Variants in PDE11A observed in about 807,000 individuals in gnomAD.
PDE11A encodes the protein dual 3',5'-cyclic-AMP and -GMP phosphodiesterase 11A.
In PDE11A, 100 loss-of-function variants were observed where a neutral mutation model predicts 100.5. The ratio of observed to expected loss-of-function variants is 1.00; its 90% confidence interval spans 0.85 to 1.18. The LOEUF (loss-of-function observed/expected upper bound fraction) is 1.18, where lower values mean the gene tolerates loss of function less well. PDE11A is among the 50% of genes most tolerant of loss of function. The pLI is 0.00. For missense variants in PDE11A, 1,141 were observed against 1,152.6 expected (o/e 0.99, Z 0.15); for synonymous variants, 381 against 420.8 (o/e 0.91, Z 1.16).
intron 19 of PDE11A, 85 bp from the exon 20 acceptor site, chr2:177,629,647 G>A: frequency 7.3e-7 from 1 of 1,360,922 alleles, no homozygotes; most frequent in Non-Finnish European, 1.1e-6. Flanking sequence ...CTTATGAGGA[G>A]AATGGAAACT....
At chr2:177,935,499 T>C (rs1275022453) in intron 2 of PDE11A, among the ~76,000 whole-genome samples, 1 of 152,202 alleles carries the variant, frequency 6.6e-6, no homozygotes, top group African/African-American at 2.4e-5. Context: ...ATTGCCCCCT[T>C]AGTGCAAAGT....
intron 2 of PDE11A, among the ~76,000 whole-genome samples, chr2:178,012,915 G>C (rs773953798): frequency 3.3e-5 from 5 of 152,080 alleles, no homozygotes; most frequent in Non-Finnish European, 7.4e-5. Flanking sequence ...CATCATCTCA[G>C]GACTCTGCCA....
At chr2:177,752,015 G>A (rs2082032452) in intron 10 of PDE11A, among the ~76,000 whole-genome samples, 1 of 152,112 alleles carries the variant, frequency 6.6e-6, no homozygotes, top group Non-Finnish European at 1.5e-5. Flanking sequence ...TAGTGATGGT[G>A]ATGGCCAAAC....
chr2:177,666,264 A>C (rs1471834989), intron 18 of PDE11A, among the ~76,000 whole-genome samples: 1 of 152,230 alleles, frequency 6.6e-6, no homozygotes, highest in Non-Finnish European at 1.5e-5. Context: ...TTTTATTGCC[A>C]AATAATATTT....
At chr2:177,761,234 C>G (rs965220262) in intron 10 of PDE11A, among the ~76,000 whole-genome samples, 1 of 152,106 alleles carries the variant, frequency 6.6e-6, no homozygotes, top group African/African-American at 2.4e-5. Flanking sequence ...AAACGAATCC[C>G]TTTATTTTCA....
At chr2:177,726,612 A>G (rs895099782) in intron 12 of PDE11A, among the ~76,000 whole-genome samples, 16 of 151,588 alleles carry the variant, frequency 1.1e-4, no homozygotes, top group Non-Finnish European at 1.9e-4. Context: ...CACTAGATGA[A>G]TGCCTTAAAG....
intron 10 of PDE11A, among the ~76,000 whole-genome samples, chr2:177,735,295 T>A (rs1414950511): frequency 1.3e-5 from 2 of 152,004 alleles, no homozygotes; most frequent in African/African-American, 4.8e-5. Flanking sequence ...GATAAAAAAA[T>A]GTTTAAAGGT....
rs114264010 is a variant in PDE11A at position 177,837,869 on chromosome 2, G to A, written c.1500+2382C>T. ...TGACATGGCTAAAGTCAGGTAATAC[G>A]GGATTTAAAAGGACTTTCTTAAGGA... On this transcript the variant is annotated intron_variant, in intron 6 of 19. Transcript: ENST00000286063. Among the ~76,000 whole-genome samples, 666 of 152,242 alleles carry A rather than the reference G, an allele frequency of 4.4e-3. 2 individuals carry two copies. The highest frequency in any genetic ancestry group is 0.015 in the African/African-American group (641 of 41,542).
intron 12 of PDE11A, among the ~76,000 whole-genome samples, chr2:177,721,543 G>C (rs1248415537): frequency 1.3e-5 from 2 of 152,092 alleles, no homozygotes; most frequent in African/African-American, 4.8e-5. Flanking sequence ...CACATATAAT[G>C]CATTTTAAAA....
intron 19 of PDE11A, among the ~76,000 whole-genome samples, chr2:177,630,498 C>T (rs182090239): frequency 2.6e-5 from 4 of 151,952 alleles, no homozygotes; most frequent in Admixed American, 6.6e-5. Flanking sequence ...GGGGCAGGGC[C>T]GAGGATTTTG....
intron 3 of PDE11A, among the ~76,000 whole-genome samples, chr2:177,904,145 T>A (rs2084741700): frequency 6.6e-6 from 1 of 152,230 alleles, no homozygotes; most frequent in Admixed American, 6.5e-5. Flanking sequence ...TCTTCCTATA[T>A]TTAAAATTAG....
Position 177,698,762 on chromosome 2 carries a change from A to G in PDE11A, c.2245-1330T>C, listed in dbSNP as rs114114144. On this transcript the variant is annotated intron_variant, in intron 14 of 19. Transcript: ENST00000286063. ...ATAATAATTTTCAAATGAGCTCTTC[A>G]GACCCTTAATTCAGCTGTTAAGAAG... 2.9e-3 allele frequency among the ~76,000 whole-genome samples: 436 copies of G among 152,324 alleles called. 2 individuals are homozygous for G. The highest frequency in any genetic ancestry group is 0.01 in the Middle Eastern group (3 of 294).
chr2:177,685,857 G>A (rs1396367243), intron 15 of PDE11A, among the ~76,000 whole-genome samples: 4 of 152,160 alleles, frequency 2.6e-5, no homozygotes, highest in East Asian at 1.9e-4. Flanking sequence ...GTGAGCCATC[G>A]TGCTGGCCCA....
chr2:178,019,829 A>T (rs1011611524), intron 1 of PDE11A, among the ~76,000 whole-genome samples: 3 of 152,236 alleles, frequency 2.0e-5, no homozygotes, highest in Non-Finnish European at 4.4e-5. Flanking sequence ...CGTGGACGGA[A>T]GTATCATTTA....
chr2:177,882,372 T>C (rs980433556), intron 4 of PDE11A, among the ~76,000 whole-genome samples: 2 of 152,206 alleles, frequency 1.3e-5, no homozygotes, highest in Admixed American at 1.3e-4. Context: ...TAGAATGACA[T>C]TGCAGAAATT....
chr2:177,884,691 G>A (rs1310892497), intron 4 of PDE11A, among the ~76,000 whole-genome samples: 1 of 152,168 alleles, frequency 6.6e-6, no homozygotes, highest in Non-Finnish European at 1.5e-5. Flanking sequence ...TGAATCATAG[G>A]AGAGGCCAGT....
intron 19 of PDE11A, among the ~76,000 whole-genome samples, chr2:177,654,255 C>T (rs1275122584): frequency 6.6e-6 from 1 of 152,240 alleles, no homozygotes; most frequent in East Asian, 1.9e-4. Context: ...TGCGGTGGCT[C>T]ATGCCTGTAA....
chr2:177,952,311 C>A (rs2085514335), intron 2 of PDE11A, among the ~76,000 whole-genome samples: 1 of 152,138 alleles, frequency 6.6e-6, no homozygotes, highest in Non-Finnish European at 1.5e-5. Flanking sequence ...CCAGTAATTG[C>A]ACTTTGATTT....
At chr2:177,981,103 A>C (rs1191792851) in intron 2 of PDE11A, among the ~76,000 whole-genome samples, 1 of 150,188 alleles carries the variant, frequency 6.7e-6, no homozygotes, top group Non-Finnish European at 1.5e-5. Context: ...AAATCACTTA[A>C]CCTCCAGTAA....
Sources: gnomAD v4.1 joint callset for allele counts (sites outside exome capture counted in the v4.1 genomes callset) on GRCh38, gnomAD v4.1.1 for gene constraint, MANE v1.5 for transcripts, NCBI Gene and HGNC (gene_info 2026-07-23, HGNC 2026-07-21) for gene names.